The following SPAG16 variants were observed in gnomAD, a reference collection of about 807,000 sequenced individuals.
SPAG16 encodes the protein sperm-associated antigen 16 protein.
In SPAG16, 86 loss-of-function variants were observed where a neutral mutation model predicts 80.4. The ratio of observed to expected loss-of-function variants is 1.07; its 90% CI spans 0.90 to 1.28. The LOEUF (loss-of-function observed/expected upper bound fraction) is 1.28. SPAG16 is among the 50% of genes most tolerant of loss of function. The pLI is 0.00. For missense variants in SPAG16, 870 were observed against 765.3 expected (o/e 1.14, Z -1.61); for synonymous variants, 294 against 265.9 (o/e 1.11, Z -1.03).
intron 9 of SPAG16, among the ~76,000 whole-genome samples, chr2:213,431,329 C>A (rs766641530): frequency 3.3e-5 from 5 of 151,830 alleles, no homozygotes; most frequent in African/African-American, 4.8e-5. Context: ...GGATTAAATT[C>A]TCCACTTAAA....
At chr2:213,896,588 A>ACATG (rs1289227904) in intron 11 of SPAG16, among the ~76,000 whole-genome samples, 43 of 120,620 alleles carry the variant, frequency 3.6e-4, no homozygotes, top group African/African-American at 1.1e-3. Context: ...ATACACACAC[A>ACATG]CACGCACACA....
chr2:213,837,595 T>G (rs1005194464), intron 10 of SPAG16, among the ~76,000 whole-genome samples: 1 of 152,246 alleles, frequency 6.6e-6, no homozygotes, highest in Non-Finnish European at 1.5e-5. Flanking sequence ...CAGCATTTTA[T>G]TTTGCATTTT....
At chr2:214,375,787 C>A (rs1700089454) in intron 15 of SPAG16, among the ~76,000 whole-genome samples, 1 of 151,922 alleles carries the variant, frequency 6.6e-6, no homozygotes, top group African/African-American at 2.4e-5. Flanking sequence ...TTGTTTTTTT[C>A]TTTTTTAACA....
intron 10 of SPAG16, among the ~76,000 whole-genome samples, chr2:213,774,433 G>C (rs115536036): frequency 6.6e-6 from 1 of 151,980 alleles, no homozygotes; most frequent in Non-Finnish European, 1.5e-5. Flanking sequence ...GGCATTTTTC[G>C]TGTGTCTGTC....
chr2:213,608,727 C>T (rs764272528), intron 10 of SPAG16, among the ~76,000 whole-genome samples: 4 of 152,262 alleles, frequency 2.6e-5, no homozygotes, highest in Non-Finnish European at 5.9e-5. Context: ...TCTGTCCCCC[C>T]AGGCTGGAGT....
chr2:213,942,314 T>C (rs2079237962), intron 12 of SPAG16, among the ~76,000 whole-genome samples: 1 of 152,232 alleles, frequency 6.6e-6, no homozygotes, highest in South Asian at 2.1e-4. Flanking sequence ...GAATTTTCTC[T>C]ATCAATTAAC....
At chr2:214,131,375 TAAAA>T (rs5838411) in intron 14 of SPAG16, among the ~76,000 whole-genome samples, 1 of 136,046 alleles carries the variant, frequency 7.4e-6, no homozygotes, top group Non-Finnish European at 1.6e-5. Context: ...AACTCAAAAT[TAAAA>T]AAAAAAAAAA....
intron 10 of SPAG16, among the ~76,000 whole-genome samples, chr2:213,668,042 G>A (rs981304960): frequency 6.6e-5 from 10 of 152,000 alleles, no homozygotes; most frequent in Non-Finnish European, 1.3e-4. Context: ...CTGAGTTCGA[G>A]CAATTCTCCT....
chr2:213,746,550 A>G (rs1434254242), intron 10 of SPAG16, among the ~76,000 whole-genome samples: 2 of 152,224 alleles, frequency 1.3e-5, no homozygotes, highest in Non-Finnish European at 2.9e-5. Flanking sequence ...TCATGCCTGT[A>G]ATCCCAGCAC....
At chr2:214,196,626 GAA>G (rs1429541514) in intron 15 of SPAG16, among the ~76,000 whole-genome samples, 1 of 152,010 alleles carries the variant, frequency 6.6e-6, no homozygotes, top group East Asian at 1.9e-4. Context: ...AATTGGAAAA[GAA>G]AGAGTGAAAC....
intron 11 of SPAG16, among the ~76,000 whole-genome samples, chr2:213,871,338 A>C (rs1183780091): frequency 6.6e-5 from 10 of 152,008 alleles, no homozygotes; most frequent in Non-Finnish European, 1.5e-5. Context: ...GGAACACAGG[A>C]ACTTAACCAA....
intron 1 of SPAG16, among the ~76,000 whole-genome samples, chr2:213,295,291 CAT>C (rs961047442): frequency 1.3e-5 from 2 of 152,014 alleles, no homozygotes; most frequent in African/African-American, 4.8e-5. Context: ...TGTGATTTAA[CAT>C]AAAATATTGT....
At chr2:213,693,943 AT>A (rs936829599) in intron 10 of SPAG16, among the ~76,000 whole-genome samples, 1 of 151,684 alleles carries the variant, frequency 6.6e-6, no homozygotes, top group Non-Finnish European at 1.5e-5. Context: ...GATGCCAGGT[AT>A]TTTGTTTCTG....
intron 15 of SPAG16, among the ~76,000 whole-genome samples, chr2:214,317,153 G>T (rs757659930): frequency 6.6e-6 from 1 of 152,068 alleles, no homozygotes; most frequent in Non-Finnish European, 1.5e-5. Context: ...ACAAAATCAG[G>T]TATCAACTCC....
chr2:213,917,137 GTGTCTGTTTTTGCACCAGTACCA>G (rs2078007994), intron 11 of SPAG16, among the ~76,000 whole-genome samples: 1 of 152,072 alleles, frequency 6.6e-6, no homozygotes, highest in African/African-American at 2.4e-5. Flanking sequence ...ATTGGTCTGT[GTGTCTGTTTTTGCACCAGTACCA>G]TGCTGTTTTG....
intron 10 of SPAG16, among the ~76,000 whole-genome samples, chr2:213,778,094 G>C (rs2069716139): frequency 6.6e-6 from 1 of 151,702 alleles, no homozygotes; most frequent in Admixed American, 6.6e-5. Context: ...TAAATATATA[G>C]AATGAACGTT....
At chr2:214,380,071 TAGTGTTATATGAAGGAGGTAAGAGC>T (rs1185461135) in intron 15 of SPAG16, among the ~76,000 whole-genome samples, 1 of 152,116 alleles carries the variant, frequency 6.6e-6, no homozygotes, top group Non-Finnish European at 1.5e-5. Flanking sequence ...GGCAAATCAC[TAGTGTTATATGAAGGAGGTAAGAGC>T]AGGATGGTGA....
chr2:213,722,654 G>A (rs16850765), intron 10 of SPAG16, among the ~76,000 whole-genome samples: 3,669 of 152,156 alleles, frequency 0.024, 148 homozygotes, highest in African/African-American at 0.083. Flanking sequence ...ATTATGATGC[G>A]GTTTAGGACA....
intron 10 of SPAG16, among the ~76,000 whole-genome samples, chr2:213,767,904 A>C (rs1392893974): frequency 6.6e-6 from 1 of 152,212 alleles, no homozygotes; most frequent in Non-Finnish European, 1.5e-5. Flanking sequence ...CAGAGTTTGT[A>C]GACTAGCAGG....
Sources: gnomAD v4.1 joint callset for allele counts (sites outside exome capture counted in the v4.1 genomes callset) on GRCh38, gnomAD v4.1.1 for gene constraint, MANE v1.5 for transcripts, NCBI Gene and HGNC (gene_info 2026-07-23, HGNC 2026-07-21) for gene names.